The following PITPNA variants were observed in gnomAD, a reference collection of about 807,000 sequenced individuals.
PITPNA encodes the protein phosphatidylinositol transfer protein alpha isoform.
PITPNA carries 13 observed loss-of-function variants against 50.3 expected under a neutral mutation model. The ratio of observed to expected loss-of-function variants is 0.26; its 90% CI spans 0.17 to 0.41. The LOEUF is 0.41. Among genes scored for constraint, PITPNA ranks in the 10% least tolerant of loss-of-function variants. PITPNA has a pLI of 1.00. For missense variants in PITPNA, 207 were observed against 333.4 expected (o/e 0.62, Z 2.95); for synonymous variants, 120 against 119.6 (o/e 1.00, Z -0.02).
intron 10 of PITPNA, among the ~76,000 whole-genome samples, chr17:1,532,408 C>T (rs1171878507): frequency 1.8e-5 from 2 of 110,454 alleles, no homozygotes; most frequent in African/African-American, 4.1e-5. Flanking sequence ...TCAAAAGGGT[C>T]TGAGAGATTA....
intron 4 of PITPNA, among the ~76,000 whole-genome samples, chr17:1,545,727 G>A (rs137961569): frequency 3.9e-5 from 6 of 152,098 alleles, no homozygotes; most frequent in East Asian, 1.9e-4. Flanking sequence ...CATGTCAGCC[G>A]CAACACTCTT....
At chr17:1,548,088 G>A in intron 4 of PITPNA, among the ~76,000 whole-genome samples, 1 of 152,244 alleles carries the variant, frequency 6.6e-6, no homozygotes, top group African/African-American at 2.4e-5. Context: ...CCCCAAGTGA[G>A]AGACTGGCTC....
chr17:1,561,641 G>C (rs552030759), intron 1 of PITPNA, among the ~76,000 whole-genome samples: 11 of 152,200 alleles, frequency 7.2e-5, no homozygotes, highest in Middle Eastern at 6.8e-3. Context: ...CACGTCCCAA[G>C]CAGTCATCCC....
At position 1,562,487 on chromosome 17, in the gene PITPNA, C is replaced by A. The variant is rs1598416951; in HGVS notation, c.20+54G>T. 7.3e-7 allele frequency: 1 copy of A among 1,361,712 alleles called. No individual in the cohort carries two copies. 84.4% of individuals were successfully genotyped at this position (1,361,712 alleles called of 1,614,324 possible). On this transcript the variant is annotated intron_variant, in intron 1 of 11. Transcript: ENST00000313486. This position sits in a 1 kb window ranked among gnomAD's most constrained non-coding sequence, Gnocchi z 6.4. The stretch of plus-strand genomic sequence containing the variant: ...GTCCCTCGCCGCGCCGTCGCCCCGG[C>A]GGCCGTCCCCACCCTCCCTCCTCCC...
chr17:1,521,993 G>C (rs1315283422), intron 10 of PITPNA, among the ~76,000 whole-genome samples: 4 of 151,572 alleles, frequency 2.6e-5, no homozygotes, highest in African/African-American at 9.7e-5. Flanking sequence ...CAAAGTGCTG[G>C]GATTACAGCA....
At chr17:1,521,233 C>T (rs982503250) in intron 11 of PITPNA, among the ~76,000 whole-genome samples, 19 of 152,260 alleles carry the variant, frequency 1.2e-4, no homozygotes, top group African/African-American at 4.1e-4. Context: ...TGGGAGCTGG[C>T]GCTGGCGTGG....
intron 10 of PITPNA, among the ~76,000 whole-genome samples, chr17:1,530,825 A>G (rs2075577362): frequency 6.6e-6 from 1 of 152,246 alleles, no homozygotes; most frequent in Admixed American, 6.5e-5. Context: ...GCTAATTTGC[A>G]GAGCAGCAAA....
At chr17:1,534,270 G>T in intron 9 of PITPNA, 49 bp from the exon 10 acceptor site, 1 of 1,611,146 alleles carries the variant, frequency 6.2e-7, no homozygotes. Context: ...AAAGGCTGCT[G>T]CCACAGCCCT....
intron 11 of PITPNA, among the ~76,000 whole-genome samples, chr17:1,520,882 CA>C (rs1423782859): frequency 6.6e-6 from 1 of 152,122 alleles, no homozygotes; most frequent in Non-Finnish European, 1.5e-5. Flanking sequence ...TAATTGGGAG[CA>C]GAGCCAGGTT....
Position 1,521,742 on chromosome 17 carries a change from T to A in PITPNA, c.769-97A>T. On this transcript the variant is annotated intron_variant, in intron 10 of 11. Coordinates refer to ENST00000313486, the MANE Select transcript of PITPNA (RefSeq NM_006224.4). ...CATAGGTGGGGTGGGGCATATTTTG[T>A]GTAAAAAGCAAGACACTGGAAGGAC... 2.0e-6 allele frequency: 2 copies of A among 986,348 alleles called. 1 individual carries two copies. The highest frequency in any genetic ancestry group is 2.6e-5 in the South Asian group (2 of 76,732). The allele number at this position is 986,348 out of a possible 1,614,324, so 61.1% of individuals were successfully genotyped here. A position where few individuals can be genotyped will look rare whatever the true frequency, so the allele number is the denominator to read the frequency against.
At chr17:1,558,588 C>A in intron 1 of PITPNA, 29 bp from the exon 2 acceptor site, 1 of 1,568,802 alleles carries the variant, frequency 6.4e-7, no homozygotes, top group Non-Finnish European at 8.8e-7. Context: ...AGAGTATCAA[C>A]TTTAGGCTGT....
chr17:1,545,917 C>CTTTTT (rs11322049), intron 4 of PITPNA, among the ~76,000 whole-genome samples: 13 of 86,370 alleles, frequency 1.5e-4, no homozygotes, highest in African/African-American at 5.9e-4. Context: ...TGCATACTGC[C>CTTTTT]TTTTTTTTTT....
intron 1 of PITPNA, among the ~76,000 whole-genome samples, chr17:1,561,881 C>T (rs916114172): frequency 6.6e-6 from 1 of 152,182 alleles, no homozygotes. Context: ...AGCCTCTGAC[C>T]CATCCACCCG....
intron 3 of PITPNA, 82 bp downstream of exon 3, chr17:1,552,922 C>G: frequency 7.3e-7 from 1 of 1,378,008 alleles, no homozygotes; most frequent in Non-Finnish European, 1.0e-6. Context: ...ATAATCCCAT[C>G]TATATAAAAC....
At chr17:1,552,874 A>G in intron 3 of PITPNA, 130 bp downstream of exon 3, 1 of 885,044 alleles carries the variant, frequency 1.1e-6, no homozygotes, top group Non-Finnish European at 1.7e-6. Context: ...TTATACAGTC[A>G]GTATATAACT....
At chr17:1,541,486 G>A in intron 6 of PITPNA, 80 bp downstream of exon 6, 2 of 979,358 alleles carry the variant, frequency 2.0e-6, no homozygotes, top group Non-Finnish European at 3.3e-6. Context: ...CCACAGAGAG[G>A]ACCCCATGGT....
chr17:1,545,917 CTTTTTTT>C (rs11322049), intron 4 of PITPNA, among the ~76,000 whole-genome samples: 2 of 86,368 alleles, frequency 2.3e-5, no homozygotes, highest in South Asian at 4.3e-4. Context: ...TGCATACTGC[CTTTTTTT>C]TTTTTTTTTT....
At position 1,518,074 on chromosome 17, in the gene PITPNA, A is replaced by C. The variant is rs534099824; in HGVS notation, c.*2487T>G. Reference sequence around the variant, plus strand: ...GACAAAAAGGCACAAACTCACATTAAATAAACAAGGTAATCTAATCAATTC... The same window carrying C: ...GACAAAAAGGCACAAACTCACATTACATAAACAAGGTAATCTAATCAATTC... On this transcript the variant is annotated 3_prime_UTR_variant, in exon 12 of 12. Transcript: ENST00000313486. 5.2e-4 allele frequency: 80 copies of C among 152,760 alleles called. No individual in the cohort carries two copies. Among genetic ancestry groups the C allele is most frequent in the African/African-American group, 1.9e-3 (77 of 41,572 alleles). The allele number at this position is 152,760 out of a possible 1,614,324, so 9.5% of individuals were successfully genotyped here.
intron 10 of PITPNA, among the ~76,000 whole-genome samples, chr17:1,523,530 A>C: frequency 2.3e-5 from 3 of 128,654 alleles, no homozygotes; most frequent in Non-Finnish European, 3.2e-5. Flanking sequence ...TTTTTGAGAC[A>C]CAGTCTCTCT....
Sources: gnomAD v4.1 joint callset for allele counts (sites outside exome capture counted in the v4.1 genomes callset) on GRCh38, gnomAD v4.1.1 for gene constraint, Gnocchi (gnomAD v3.1) non-coding constraint, MANE v1.5 for transcripts, NCBI Gene and HGNC (gene_info 2026-07-23, HGNC 2026-07-21) for gene names.